Variants in ZNF185 observed in about 807,000 individuals in gnomAD.
The protein encoded by ZNF185 is zinc finger protein 185 with LIM domain.
In ZNF185, 56 loss-of-function variants were observed where a neutral mutation model predicts 58.6. That is an observed-to-expected ratio of 0.95 (90% confidence interval 0.77 to 1.19). The LOEUF (loss-of-function observed/expected upper bound fraction) is 1.19. Ranked by LOEUF, ZNF185 falls within the 50% of genes most tolerant of loss-of-function variation. ZNF185 has a pLI of 0.00. For missense variants in ZNF185, 627 were observed against 573.5 expected (o/e 1.09, Z -0.95); for synonymous variants, 230 against 215.9 (o/e 1.07, Z -0.57).
At chrX:152,931,567 G>GT in intron 12 of ZNF185, 105 bp from the exon 14 acceptor site, 1 of 694,951 alleles carries the variant, frequency 1.4e-6, no homozygotes. Context: ...CCAGTAGCAG[G>GT]TTTTAAGCTC....
intron 16 of ZNF185, among the ~76,000 whole-genome samples, chrX:152,954,027 C>T (rs1603296894): frequency 8.9e-6 from 1 of 111,866 alleles, no homozygotes; most frequent in Admixed American, 9.5e-5. Flanking sequence ...AGGTGTGAGC[C>T]ACCGTGCCCG....
chrX:152,938,204 A>G, intron 15 of ZNF185, 41 bp downstream of exon 17: 1 of 1,136,281 alleles, frequency 8.8e-7, no homozygotes, highest in Non-Finnish European at 1.2e-6. Flanking sequence ...TGGGGTGGAG[A>G]GAGGCAGCTT....
chrX:152,931,920 AC>A, intron 13 of ZNF185, 144 bp downstream of exon 14: 1 of 396,883 alleles, frequency 2.5e-6, no homozygotes, highest in Non-Finnish European at 4.2e-6. Flanking sequence ...TTCCCCCAGT[AC>A]CTGGGGTACT....
the ZNF185 span, among the ~76,000 whole-genome samples, chrX:152,907,506 C>T: frequency 1.8e-5 from 2 of 113,233 alleles, no homozygotes; most frequent in South Asian, 3.6e-4. Context: ...GTCCTCATCT[C>T]CCCCGCCCAG....
chrX:152,945,476 G>A lies in ZNF185; in HGVS notation c.1409+12G>A. The A allele has an allele frequency of 8.4e-7, 1 of 1,184,186 alleles. No homozygotes were observed. The highest frequency in any genetic ancestry group is 1.7e-5 in the African/African-American group (1 of 57,303). On this transcript the variant is annotated intron_variant, in intron 16 of 22. Coordinates refer to ENST00000449285, the Ensembl canonical transcript of ZNF185. Reference sequence around the variant, plus strand: ...AGTTGTGGCAGCAGGTAAGGGCTGAGCTGCAGTGGGCTCTGCCTCTGGAGC... The same window carrying A: ...AGTTGTGGCAGCAGGTAAGGGCTGAACTGCAGTGGGCTCTGCCTCTGGAGC...
chrX:152,906,179 T>C, the ZNF185 span, among the ~76,000 whole-genome samples: 1 of 112,603 alleles, frequency 8.9e-6, no homozygotes, highest in East Asian at 2.8e-4. Context: ...CCAGCAGGCA[T>C]GAGCCCCAGC....
At chrX:152,931,951 C>A (rs1020104640) in intron 13 of ZNF185, among the ~76,000 whole-genome samples, 175 bp downstream of exon 14, 2 of 112,403 alleles carry the variant, frequency 1.8e-5, no homozygotes, top group Admixed American at 1.9e-4. Context: ...TAATGAACAT[C>A]TGTTGAAAGA....
intron 14 of ZNF185, 78 bp downstream of exon 15, chrX:152,933,049 G>C (rs1246430302): frequency 2.9e-6 from 2 of 694,821 alleles, no homozygotes; most frequent in Admixed American, 7.2e-5. Context: ...TGCTTGGGCT[G>C]CTATGGGTGG....
chrX:152,966,672 C>T (rs1314797751), intron 19 of ZNF185, among the ~76,000 whole-genome samples: 2 of 111,713 alleles, frequency 1.8e-5, no homozygotes, highest in Non-Finnish European at 3.8e-5. Flanking sequence ...TGTACAGTCC[C>T]GAGGTTTTGG....
At chrX:152,907,348 C>T in the ZNF185 span, among the ~76,000 whole-genome samples, 1 of 113,111 alleles carries the variant, frequency 8.8e-6, no homozygotes, top group Non-Finnish European at 1.9e-5. Flanking sequence ...ACCTCATTGG[C>T]TCCTCGCTCC....
chrX:152,963,448 G>A (rs782332535), intron 17 of ZNF185, among the ~76,000 whole-genome samples: 1 of 112,534 alleles, frequency 8.9e-6, no homozygotes, highest in Admixed American at 9.4e-5. Flanking sequence ...AGAAGGAGCT[G>A]ATCCTAGTAA....
chrX:152,939,834 G>C (rs1215378282), intron 15 of ZNF185, among the ~76,000 whole-genome samples: 1 of 104,570 alleles, frequency 9.6e-6, no homozygotes, highest in African/African-American at 3.6e-5. Context: ...CCCAGCTGGG[G>C]TGCAGTGGCG....
At chrX:152,972,616 G>A (rs902132101) in exon 23 of ZNF185, 1 of 111,923 alleles carries the variant, frequency 8.9e-6, no homozygotes, top group Admixed American at 9.5e-5. Context: ...GGGGCTAGCT[G>A]ATCTGAGCAG....
At chrX:152,950,258 A>G (rs2048172893) in intron 16 of ZNF185, among the ~76,000 whole-genome samples, 1 of 112,294 alleles carries the variant, frequency 8.9e-6, no homozygotes, top group African/African-American at 3.2e-5. Context: ...ATAAACTAGT[A>G]AGAACATATT....
chrX:152,942,372 TG>T lies in ZNF185; in HGVS notation c.1212-2892del, dbSNP rs200448488. On this transcript the variant is annotated intron_variant, in intron 15 of 22. Transcript: ENST00000449285. ...CTGTCACTTACAAGCACCGTGACCT[TG>T]GGCATGTTACTCATCTTCTCTGTGC... is the stretch of plus-strand genomic sequence containing the variant. Among the ~76,000 whole-genome samples the T allele has an allele frequency of 8.0e-3, 893 of 111,842 alleles. 3 individuals carry two copies. The highest frequency in any genetic ancestry group is 0.013 in the Non-Finnish European group (689 of 53,084).
rs144419624 is a variant in ZNF185, at chrX:152,922,017, G to A, written c.657-156G>A. On this transcript the variant is annotated intron_variant, in intron 9 of 22. Coordinates refer to ENST00000449285, the Ensembl canonical transcript of ZNF185. ...CAACCCAGTATGCTGTCCTTATCCT[G>A]AGCTGGAGTCACTGAACCCCCAGCC... Among the ~76,000 whole-genome samples, 323 of 111,475 alleles carry A rather than the reference G, an allele frequency of 2.9e-3. 4 individuals carry two copies. Among genetic ancestry groups the A allele is most frequent in the African/African-American group, 0.01 (308 of 30,584 alleles).
In ZNF185 at chrX:152,965,394, G is replaced by T. The variant is rs782382686; in HGVS notation, c.1719-53G>T. 2.7e-6 allele frequency: 3 copies of T among 1,107,313 alleles called. No homozygotes were observed. The East Asian group carries it at 9.9e-5, about 36-fold the overall frequency. 91.3% of individuals were successfully genotyped at this position (1,107,313 alleles called of 1,213,427 possible). On this transcript the variant is annotated intron_variant, in intron 18 of 22. Coordinates refer to ENST00000449285, the Ensembl canonical transcript of ZNF185. ...GAACCACTCCTGTGGGCCAGGCCTG[G>T]TTCCCTGGAATCTTCTGGTGTACCT... is the stretch of plus-strand genomic sequence containing the variant.
At chrX:152,942,238 G>T (rs2047305000) in intron 15 of ZNF185, among the ~76,000 whole-genome samples, 1 of 111,945 alleles carries the variant, frequency 8.9e-6, no homozygotes, top group African/African-American at 3.2e-5. Flanking sequence ...CAAACTGTGG[G>T]GACTCCGCCC....
At chrX:152,915,878 C>T (rs1278492372) in intron 3 of ZNF185, among the ~76,000 whole-genome samples, 1 of 112,045 alleles carries the variant, frequency 8.9e-6, no homozygotes, top group Non-Finnish European at 1.9e-5. Context: ...AGCCGGCAGG[C>T]GGCTTCTCAG....
Sources: gnomAD v4.1 joint callset for allele counts (sites outside exome capture counted in the v4.1 genomes callset) on GRCh38, gnomAD v4.1.1 for gene constraint, MANE v1.5 for transcripts, NCBI Gene and HGNC (gene_info 2026-07-23, HGNC 2026-07-21) for gene names.